The following ATP7B variants were observed in gnomAD, a reference collection of about 807,000 sequenced individuals.
ATP7B encodes ATPase copper transporting beta.
ATP7B carries 113 observed loss-of-function variants against 118.9 expected under a neutral mutation model. The observed-to-expected ratio is 0.95, with a 90% confidence interval of 0.82 to 1.11. ATP7B has a LOEUF of 1.11. ATP7B is among the 50% of genes most tolerant of loss of function. ATP7B has a pLI of 0.00. For missense variants in ATP7B, 1,867 were observed against 1,871.4 expected (o/e 1.00, Z 0.04); for synonymous variants, 777 against 727.4 (o/e 1.07, Z -1.10).
chr13:51,996,033 T>C (rs960073061), intron 1 of ATP7B, among the ~76,000 whole-genome samples: 2 of 152,230 alleles, frequency 1.3e-5, no homozygotes, highest in East Asian at 3.8e-4. Flanking sequence ...GCTAGCACTT[T>C]CTTGGAATTG....
At position 51,933,615 on chromosome 13, in the gene ATP7B, C is replaced by T. The variant is rs1324206778; in HGVS notation, c.*1141G>A. 1 of 152,224 alleles carries T rather than the reference C, an allele frequency of 6.6e-6. No individual in the cohort carries two copies. Among genetic ancestry groups the T allele is most frequent in the Non-Finnish European group, 1.5e-5 (1 of 68,074 alleles). 9.4% of individuals were successfully genotyped at this position (152,224 alleles called of 1,614,324 possible). A position where few individuals can be genotyped will look rare whatever the true frequency, so the allele number is the denominator to read the frequency against. On this transcript the variant is annotated 3_prime_UTR_variant, in exon 21 of 21. Coordinates refer to ENST00000242839, the MANE Select transcript of ATP7B (RefSeq NM_000053.4). Reference sequence around the variant, plus strand: ...CTCCCTTCGGGGTGCTGTGGCCACTCCTTTTCTGAAGCCCCTGGGCAGCGT... The same window carrying T: ...CTCCCTTCGGGGTGCTGTGGCCACTTCTTTTCTGAAGCCCCTGGGCAGCGT...
At chr13:51,980,833 C>T (rs913274720) in intron 1 of ATP7B, among the ~76,000 whole-genome samples, 17 of 152,128 alleles carry the variant, frequency 1.1e-4, no homozygotes, top group Admixed American at 6.5e-5. Context: ...GTATAACACC[C>T]ATAACAACTT....
chr13:51,948,967 G>A (rs986029411), intron 12 of ATP7B, among the ~76,000 whole-genome samples: 20 of 152,300 alleles, frequency 1.3e-4, no homozygotes, highest in African/African-American at 4.6e-4. Flanking sequence ...ATCACCTGAG[G>A]TCAGGAGTTC....
chr13:51,941,842 T>C lies in ATP7B; in HGVS notation c.3412+544A>G, dbSNP rs558721918. 7.9e-3 allele frequency among the ~76,000 whole-genome samples: 820 copies of C among 103,976 alleles called. 7 individuals are homozygous for C. Among genetic ancestry groups the C allele is most frequent in the African/African-American group, 0.025 (783 of 31,362 alleles). 68.2% of individuals were successfully genotyped at this position (103,976 alleles called of 152,430 possible). On this transcript the variant is annotated intron_variant, in intron 15 of 20. Transcript: ENST00000242839. Reference sequence around the variant, plus strand: ...CACACAATCTAAGCCACAATTTCACTACCAACACTTAGGAAAAACACTAGT... The same window carrying C: ...CACACAATCTAAGCCACAATTTCACCACCAACACTTAGGAAAAACACTAGT...
chr13:51,941,558 G>C (rs1028815766), intron 15 of ATP7B, among the ~76,000 whole-genome samples: 5 of 152,098 alleles, frequency 3.3e-5, no homozygotes, highest in African/African-American at 1.2e-4. Context: ...TCAGGTATTT[G>C]CCCAGCACAC....
chr13:51,960,158 G>A lies in ATP7B; in HGVS notation c.2111C>T (p.Thr704Ile). The change falls in exon 7 of 21, where the codon ACC becomes ATC. Residue 704 changes from threonine to isoleucine, a missense_variant. By Grantham distance (89) the Thr-to-Ile change is moderately conservative. Transcript: ENST00000242839. ...CTTTCTCATATATACCTGGACAAAG[G>A]TACACAAGATAAAGAAGATGAGATT... ...ILNLIFFILC[T>I]FVQLLGGWYF... 8 of 1,613,882 alleles carry A rather than the reference G, an allele frequency of 5.0e-6. No individual in the cohort carries two copies. Among genetic ancestry groups the A allele is most frequent in the Non-Finnish European group, 6.8e-6 (8 of 1,179,752 alleles).
chr13:51,944,633 C>A (rs936719733), intron 13 of ATP7B, among the ~76,000 whole-genome samples: 3 of 152,168 alleles, frequency 2.0e-5, no homozygotes, highest in Admixed American at 2.0e-4. Flanking sequence ...GAGTCAGGAC[C>A]CTGAGGGACA....
intron 13 of ATP7B, among the ~76,000 whole-genome samples, chr13:51,945,660 T>C (rs893546542): frequency 6.6e-6 from 1 of 152,214 alleles, no homozygotes; most frequent in East Asian, 1.9e-4. Context: ...CAGTCAGCTT[T>C]GCTATTTACT....
In ATP7B at chr13:51,974,689, T is replaced by G; in HGVS notation, c.531A>C (p.Ser177=). The G allele has an allele frequency of 1.2e-6, 2 of 1,611,382 alleles. No individual in the cohort carries two copies. The highest frequency in any genetic ancestry group is 1.7e-6 in the Non-Finnish European group (2 of 1,177,780). Residue 177 remains serine, a synonymous_variant, in exon 2 of 21, where the codon TCA becomes TCC. Transcript: ENST00000242839. ...KLQGVVRVKV[S]LSNQEAVITY... ...TGATGACGGCCTCTTGGTTGCTGAG[T>G]GAGACTTTGACTCTCACTACTCCTT...
chr13:51,944,962 T>G (rs1258623802), intron 13 of ATP7B, among the ~76,000 whole-genome samples: 1 of 152,192 alleles, frequency 6.6e-6, no homozygotes, highest in Non-Finnish European at 1.5e-5. Context: ...CTGAAGTGTA[T>G]AATTTTACCC....
intron 3 of ATP7B, among the ~76,000 whole-genome samples, chr13:51,970,216 C>G (rs1481374678): frequency 6.6e-6 from 1 of 152,136 alleles, no homozygotes; most frequent in Non-Finnish European, 1.5e-5. Flanking sequence ...CTAGTACAAC[C>G]TAACTGAGAA....
chr13:51,937,127 A>C, intron 19 of ATP7B, 149 bp downstream of exon 19: 2 of 696,964 alleles, frequency 2.9e-6, no homozygotes, highest in Non-Finnish European at 5.0e-6. Flanking sequence ...AGACATATAA[A>C]GCAGGGGACA....
At chr13:52,011,857 G>A (rs9563084), upstream of ATP7B, among the ~76,000 whole-genome samples, 61,827 of 152,248 alleles carry the variant, frequency 0.41, 14,348 homozygotes, top group Non-Finnish European at 0.52. Flanking sequence ...GCAGAGCCGG[G>A]CCGCAGACTC....
rs1409809763 is a variant in ATP7B at position 51,934,410 on chromosome 13, A to G, written c.*346T>C. On this transcript the variant is annotated 3_prime_UTR_variant, in exon 21 of 21. Coordinates refer to ENST00000242839, the MANE Select transcript of ATP7B (RefSeq NM_000053.4). ...AGTGAGGTTTTTTGGTCCTGATGAAACTGTTCTCCATTTCACAGCAGTCAT... is the reference window on the plus strand; with the variant it reads ...AGTGAGGTTTTTTGGTCCTGATGAAGCTGTTCTCCATTTCACAGCAGTCAT... The G allele has an allele frequency of 2.7e-6, 1 of 368,290 alleles. No homozygotes were observed. Among genetic ancestry groups the G allele is most frequent in the Non-Finnish European group, 5.2e-6 (1 of 191,122 alleles). 22.8% of individuals were successfully genotyped at this position (368,290 alleles called of 1,614,324 possible).
At chr13:51,993,343 G>A (rs143303627) in intron 1 of ATP7B, among the ~76,000 whole-genome samples, 47 of 152,196 alleles carry the variant, frequency 3.1e-4, no homozygotes, top group African/African-American at 9.2e-4. Context: ...GGAGGCAGGA[G>A]GATCATTTGA....
At position 51,968,435 on chromosome 13, in the gene ATP7B, A is replaced by G. The variant is rs114449708; in HGVS notation, c.1707+9T>C. ...GCCTGTAACCCCGTAACGCACCCACAGTACTTACTGTCAGCTCAATGTTGC... is the reference window on the plus strand; with the variant it reads ...GCCTGTAACCCCGTAACGCACCCACGGTACTTACTGTCAGCTCAATGTTGC... On this transcript the variant is annotated intron_variant, in intron 4 of 20. Coordinates refer to ENST00000242839, the MANE Select transcript of ATP7B (RefSeq NM_000053.4). The G allele has an allele frequency of 2.2e-3, 3,592 of 1,614,218 alleles. 68 individuals carry two copies. In the African/African-American group the frequency reaches 0.04, roughly 18 times the overall value.
chr13:52,005,181 C>T (rs769272044), intron 1 of ATP7B, among the ~76,000 whole-genome samples: 1 of 152,228 alleles, frequency 6.6e-6, no homozygotes, highest in Non-Finnish European at 1.5e-5. Context: ...GTCATTCTTC[C>T]CAGCAGCCTT....
At chr13:51,999,286 G>C (rs9535828) in intron 1 of ATP7B, among the ~76,000 whole-genome samples, 2 of 151,886 alleles carry the variant, frequency 1.3e-5, no homozygotes, top group Non-Finnish European at 2.9e-5. Flanking sequence ...TGCTGGGAGC[G>C]GGGGAGGGAA....
At chr13:51,987,297 A>T (rs1321816737) in intron 1 of ATP7B, among the ~76,000 whole-genome samples, 1 of 152,240 alleles carries the variant, frequency 6.6e-6, no homozygotes, top group East Asian at 1.9e-4. Flanking sequence ...ATCATGAGTG[A>T]ACTCCCATTC....
Sources: gnomAD v4.1 joint callset for allele counts (sites outside exome capture counted in the v4.1 genomes callset) on GRCh38, gnomAD v4.1.1 for gene constraint, MANE v1.5 for transcripts, NCBI Gene and HGNC (gene_info 2026-07-23, HGNC 2026-07-21) for gene names.